The following VWA3B variants were observed in gnomAD, a reference collection of about 807,000 sequenced individuals.
VWA3B encodes the protein von Willebrand factor A domain-containing protein 3B.
A neutral mutation model predicts 158.3 loss-of-function variants in VWA3B; 138 were observed. The observed-to-expected ratio is 0.87, with a 90% CI of 0.76 to 1.00. The LOEUF (loss-of-function observed/expected upper bound fraction) is 1.00. VWA3B is among the 50% of genes least tolerant of loss of function. The pLI is 0.00. For synonymous variants in VWA3B, 596 were observed against 587.3 expected, an observed-to-expected ratio of 1.01 and a Z score of -0.21; for missense variants, 1,555 against 1,565.1, an observed-to-expected ratio of 0.99 and a Z score of 0.11.
chr2:98,126,993 G>A (rs1401060726), intron 5 of VWA3B, among the ~76,000 whole-genome samples: 1 of 144,682 alleles, frequency 6.9e-6, no homozygotes, highest in Non-Finnish European at 1.5e-5. Flanking sequence ...CCGGCCAGGT[G>A]CATTTAAGGC....
chr2:98,188,718 C>T (rs1343395641), intron 10 of VWA3B, among the ~76,000 whole-genome samples: 2 of 152,002 alleles, frequency 1.3e-5, no homozygotes, highest in African/African-American at 4.8e-5. Context: ...GTATATATAC[C>T]AGTAAAAGCT....
At chr2:98,131,463 C>T (rs1675866793) in intron 6 of VWA3B, among the ~76,000 whole-genome samples, 1 of 152,154 alleles carries the variant, frequency 6.6e-6, no homozygotes, top group African/African-American at 2.4e-5. Flanking sequence ...GGGTAAATAC[C>T]TGGTAGTGGG....
At chr2:98,236,323 T>A in intron 17 of VWA3B, 67 bp from the exon 18 acceptor site, 1 of 1,530,518 alleles carries the variant, frequency 6.5e-7, no homozygotes, top group South Asian at 1.1e-5. Context: ...ACAAGCGTGA[T>A]CCCTTTGCAT....
the VWA3B span, among the ~76,000 whole-genome samples, chr2:98,319,826 G>A: frequency 6.6e-6 from 1 of 151,816 alleles, no homozygotes; most frequent in Non-Finnish European, 1.5e-5. Context: ...GTTGCAATGA[G>A]CCTAGATCAC....
At chr2:98,329,638 C>G in the VWA3B span, among the ~76,000 whole-genome samples, 6 of 152,090 alleles carry the variant, frequency 3.9e-5, no homozygotes, top group Admixed American at 3.3e-4. Flanking sequence ...GTCAATTTAG[C>G]TAGGCCACGG....
intron 11 of VWA3B, 143 bp downstream of exon 11, chr2:98,193,179 C>A: frequency 1.8e-6 from 2 of 1,136,332 alleles, no homozygotes; most frequent in Non-Finnish European, 2.5e-6. Flanking sequence ...AAAGAATCAT[C>A]AGTTCTCTTT....
intron 7 of VWA3B, among the ~76,000 whole-genome samples, chr2:98,144,989 T>A (rs1400964985): frequency 6.6e-6 from 1 of 152,256 alleles, no homozygotes. Flanking sequence ...ACATCCTCTC[T>A]GCTGCATGCT....
At chr2:98,268,690 T>C (rs78707386) in intron 21 of VWA3B, among the ~76,000 whole-genome samples, 1 of 152,010 alleles carries the variant, frequency 6.6e-6, no homozygotes, top group South Asian at 2.1e-4. Flanking sequence ...TTTTTTTTTT[T>C]TTGCTTTGTA....
At chr2:98,262,979 C>T (rs1378589596) in intron 21 of VWA3B, among the ~76,000 whole-genome samples, 1 of 151,766 alleles carries the variant, frequency 6.6e-6, no homozygotes, top group Non-Finnish European at 1.5e-5. Flanking sequence ...TTGTAGTTTT[C>T]AGTGTACAAG....
chr2:98,242,440 C>A (rs1300618586), intron 19 of VWA3B: 1 of 376,302 alleles, frequency 2.7e-6, no homozygotes, highest in African/African-American at 2.1e-5. Context: ...ATGTAATGAA[C>A]CTAGAATTTA....
intron 7 of VWA3B, among the ~76,000 whole-genome samples, chr2:98,138,820 T>C (rs1225184519): frequency 6.6e-6 from 1 of 152,214 alleles, no homozygotes; most frequent in African/African-American, 2.4e-5. Flanking sequence ...CAGGGATGAC[T>C]GTGAGAGGTG....
intron 12 of VWA3B, among the ~76,000 whole-genome samples, chr2:98,209,114 CGT>C (rs1683275242): frequency 6.6e-6 from 1 of 151,974 alleles, no homozygotes; most frequent in Non-Finnish European, 1.5e-5. Flanking sequence ...TTATAGGTAA[CGT>C]GTTATTTCTC....
the VWA3B span, among the ~76,000 whole-genome samples, chr2:98,318,584 G>A: frequency 1.3e-5 from 2 of 152,184 alleles, no homozygotes; most frequent in Non-Finnish European, 2.9e-5. Flanking sequence ...GGGTTGAAGA[G>A]TGAGAGGAGG....
intron 20 of VWA3B, among the ~76,000 whole-genome samples, chr2:98,251,761 T>C (rs549959179): frequency 6.6e-6 from 1 of 152,226 alleles, no homozygotes; most frequent in South Asian, 2.1e-4. Flanking sequence ...CGAAGGATCA[T>C]TCCAACGGCA....
intron 2 of VWA3B, among the ~76,000 whole-genome samples, chr2:98,093,570 GT>G (rs1400490745): frequency 1.3e-5 from 2 of 152,126 alleles, no homozygotes; most frequent in Non-Finnish European, 2.9e-5. Flanking sequence ...ACAACATGAT[GT>G]TTTGAAGAAT....
intron 8 of VWA3B, among the ~76,000 whole-genome samples, chr2:98,166,971 A>G (rs927450225): frequency 6.6e-6 from 1 of 152,126 alleles, no homozygotes; most frequent in Non-Finnish European, 1.5e-5. Context: ...CTGGCCCTCT[A>G]TACCACGTGT....
intron 22 of VWA3B, among the ~76,000 whole-genome samples, chr2:98,284,690 G>A (rs2105929626): frequency 6.6e-6 from 1 of 152,314 alleles, no homozygotes; most frequent in African/African-American, 2.4e-5. Context: ...TGGACTTTGT[G>A]TCATGGAGAA....
At chr2:98,154,096 A>G (rs1677862032) in intron 7 of VWA3B, among the ~76,000 whole-genome samples, 1 of 152,160 alleles carries the variant, frequency 6.6e-6, no homozygotes, top group Admixed American at 6.5e-5. Context: ...TCCTGACCTC[A>G]GGTGATCCAC....
chr2:98,151,910 C>G (rs1677668065), intron 7 of VWA3B, among the ~76,000 whole-genome samples: 1 of 152,086 alleles, frequency 6.6e-6, no homozygotes, highest in Non-Finnish European at 1.5e-5. Context: ...GATATTGGTT[C>G]TGGAAAGTGA....
Sources: gnomAD v4.1 joint callset for allele counts (sites outside exome capture counted in the v4.1 genomes callset) on GRCh38, gnomAD v4.1.1 for gene constraint, MANE v1.5 for transcripts, NCBI Gene and HGNC (gene_info 2026-07-23, HGNC 2026-07-21) for gene names.